THSD1: variants seen among roughly 807,000 people sequenced by gnomAD.
The protein encoded by THSD1 is thrombospondin type-1 domain-containing protein 1.
A neutral mutation model predicts 46.3 loss-of-function variants in THSD1; 34 were observed. The ratio of observed to expected loss-of-function variants is 0.74; its 90% CI spans 0.56 to 0.98. The LOEUF (loss-of-function observed/expected upper bound fraction) is 0.98, where lower values mean the gene tolerates loss of function less well. Among genes scored for constraint, THSD1 ranks in the 50% least tolerant of loss-of-function variants. THSD1 has a pLI of 0.00. For synonymous variants in THSD1, 407 were observed against 416.5 expected, an observed-to-expected ratio of 0.98 and a Z score of 0.28; for missense variants, 1,023 against 1,058.3, an observed-to-expected ratio of 0.97 and a Z score of 0.46.
At position 52,378,650 on chromosome 13, in the gene THSD1, G is replaced by A. The variant is rs1198472793; in HGVS notation, c.1320C>T (p.Gly440=). ...CAGGTGTGCTGCACTTGGCTGGCCG[G>A]CCGAACCTCCTCCACAGCGTGATGA... ...TVLITLWRRF[G]RPAKCSTPAR... The change falls in exon 5 of 5, where the codon GGC becomes GGT. Residue 440 remains glycine, a synonymous_variant. Transcript: ENST00000258613. 1 of 1,614,088 alleles carries A rather than the reference G, an allele frequency of 6.2e-7. No individual in the cohort carries two copies. The highest frequency in any genetic ancestry group is 1.1e-5 in the South Asian group (1 of 91,082).
intron 1 of THSD1, among the ~76,000 whole-genome samples, chr13:52,403,920 G>T (rs1256892173): frequency 5.4e-5 from 8 of 148,166 alleles, no homozygotes; most frequent in East Asian, 2.0e-4. Context: ...AATGTTTAAG[G>T]TCCCCCCCAT....
chr13:52,390,023 C>G (rs1232517701), intron 3 of THSD1, among the ~76,000 whole-genome samples: 3 of 151,872 alleles, frequency 2.0e-5, no homozygotes, highest in African/African-American at 7.3e-5. Flanking sequence ...ACCTGTAGTA[C>G]CAGCTACTCG....
intron 4 of THSD1, among the ~76,000 whole-genome samples, chr13:52,385,625 T>C (rs1957725195): frequency 6.6e-6 from 1 of 152,130 alleles, no homozygotes; most frequent in African/African-American, 2.4e-5. Flanking sequence ...CTGGCTTTTC[T>C]GGGTTGATAG....
At chr13:52,387,849 C>T (rs187824763) in intron 3 of THSD1, among the ~76,000 whole-genome samples, 1 of 152,176 alleles carries the variant, frequency 6.6e-6, no homozygotes, top group African/African-American at 2.4e-5. Context: ...GACTCCCATA[C>T]ATGTAATTGG....
chr13:52,388,607 G>T (rs1006282703), intron 3 of THSD1, among the ~76,000 whole-genome samples: 2 of 152,108 alleles, frequency 1.3e-5, no homozygotes, highest in African/African-American at 4.8e-5. Context: ...AGCCTCCCGA[G>T]TAGCTGGAAT....
intron 2 of THSD1, among the ~76,000 whole-genome samples, chr13:52,399,046 C>T (rs759058704): frequency 8.5e-5 from 13 of 152,212 alleles, no homozygotes; most frequent in Non-Finnish European, 1.8e-4. Context: ...GAAATGTTGA[C>T]ACTTTATGCT....
In THSD1 at chr13:52,391,823, G is replaced by A. The variant is rs373616963; in HGVS notation, c.1021+5409C>T. Among the ~76,000 whole-genome samples, 23 of 151,942 alleles carry A rather than the reference G, an allele frequency of 1.5e-4. 1 individual carries two copies. The South Asian group carries it at 4.6e-3, about 30-fold the overall frequency. Reference sequence around the variant, plus strand: ...CTCTCAAAGTGCTGGGATTACAGGCGTGAGCCACCGCAGCCGGCAAAAATC... The same window carrying A: ...CTCTCAAAGTGCTGGGATTACAGGCATGAGCCACCGCAGCCGGCAAAAATC... On this transcript the variant is annotated intron_variant, in intron 3 of 4. Transcript: ENST00000258613.
intron 3 of THSD1, among the ~76,000 whole-genome samples, chr13:52,396,262 G>A (rs1264181893): frequency 2.0e-5 from 3 of 152,176 alleles, no homozygotes; most frequent in Non-Finnish European, 4.4e-5. Flanking sequence ...AGTGGCTCAT[G>A]CCTGTAATCC....
At chr13:52,403,941 T>A (rs1038225131) in intron 1 of THSD1, among the ~76,000 whole-genome samples, 4 of 115,946 alleles carry the variant, frequency 3.4e-5, no homozygotes, top group African/African-American at 1.4e-4. Context: ...TATTCACATT[T>A]TTTTTTTTTT....
rs1957903320 is a variant in THSD1 at position 52,406,011 on chromosome 13, A to G, written c.-82+20T>C. ...TCGCGGCACGGGCGCGAACACCAGG[A>G]TGCGGAGGGCGCTTCTTACCTTTCG... On this transcript the variant is annotated intron_variant, in intron 1 of 4. Coordinates refer to ENST00000258613, the MANE Select transcript of THSD1 (RefSeq NM_018676.4). 1 of 152,302 alleles carries G rather than the reference A, an allele frequency of 6.6e-6. No individual in the cohort carries two copies. The highest frequency in any genetic ancestry group is 1.5e-5 in the Non-Finnish European group (1 of 68,112). The allele number at this position is 152,302 out of a possible 1,614,324, so 9.4% of individuals were successfully genotyped here.
intron 4 of THSD1, among the ~76,000 whole-genome samples, chr13:52,382,315 A>G (rs1252163205): frequency 6.6e-6 from 1 of 152,170 alleles, no homozygotes; most frequent in Non-Finnish European, 1.5e-5. Flanking sequence ...CACTTGCCAC[A>G]TACAGAGTCT....
Position 52,397,276 on chromosome 13 carries a change from T to C in THSD1, c.977A>G (p.His326Arg). ...CATGCACTCCTCCTTTGCAGAAAAA[T>C]GGCTTCTGCTTGAAATGCCAAAGTC... is the stretch of plus-strand genomic sequence containing the variant. ...CFDFGISSRS[H>R]FSAKEECMLI... The change falls in exon 3 of 5, where the codon CAT (histidine) becomes CGT (arginine). Residue 326 changes from histidine (H) to arginine (R), a missense_variant. His to Arg is a conservative substitution (Grantham distance 29). This residue lies in a region of THSD1 where 429 missense variants were observed against 518.3 expected (regional missense o/e 0.83). Transcript: ENST00000258613. 6.2e-7 allele frequency: 1 copy of C among 1,611,018 alleles called. No homozygotes were observed. Among genetic ancestry groups the C allele is most frequent in the Non-Finnish European group, 8.5e-7 (1 of 1,178,608 alleles).
chr13:52,381,527 C>T (rs990054034), intron 4 of THSD1, among the ~76,000 whole-genome samples: 2 of 152,196 alleles, frequency 1.3e-5, no homozygotes, highest in African/African-American at 4.8e-5. Context: ...AGCCATCAGG[C>T]AAGTACATGC....
intron 4 of THSD1, among the ~76,000 whole-genome samples, chr13:52,382,438 C>A (rs769957725): frequency 5.3e-5 from 8 of 152,134 alleles, no homozygotes; most frequent in Non-Finnish European, 1.0e-4. Flanking sequence ...CTGATTTATA[C>A]TCCTTGCTAC....
At chr13:52,390,907 A>G (rs941901300) in intron 3 of THSD1, among the ~76,000 whole-genome samples, 3 of 152,008 alleles carry the variant, frequency 2.0e-5, no homozygotes, top group East Asian at 1.9e-4. Flanking sequence ...TGAGGATCAG[A>G]AAAAAAATCA....
chr13:52,387,385 C>A (rs1048738233), intron 3 of THSD1, among the ~76,000 whole-genome samples: 1 of 152,120 alleles, frequency 6.6e-6, no homozygotes, highest in Non-Finnish European at 1.5e-5. Flanking sequence ...TAAATACCTC[C>A]ATGTCTATAG....
intron 1 of THSD1, among the ~76,000 whole-genome samples, chr13:52,403,363 T>C (rs1345096740): frequency 5.3e-5 from 8 of 152,236 alleles, no homozygotes; most frequent in Admixed American, 5.2e-4. Flanking sequence ...TACTTGTTGC[T>C]GCTGGTATGC....
At chr13:52,388,439 C>T (rs975739271) in intron 3 of THSD1, among the ~76,000 whole-genome samples, 35 of 152,036 alleles carry the variant, frequency 2.3e-4, no homozygotes, top group Admixed American at 6.6e-5. Flanking sequence ...TCTAAAATAT[C>T]ACTGATAGCC....
At position 52,378,287 on chromosome 13, in the gene THSD1, G is replaced by C; in HGVS notation, c.1683C>G (p.Asp561Glu). ...VYHVSQSPLT[D>E]TAIDAAPSAP... Reference sequence around the variant, plus strand: ...CGCTGGGGGCCGCATCAATGGCAGTGTCTGTCAGGGGACTCTGAGACACGT... The same window carrying C: ...CGCTGGGGGCCGCATCAATGGCAGTCTCTGTCAGGGGACTCTGAGACACGT... The change falls in exon 5 of 5, where the codon GAC becomes GAG. Residue 561 changes from aspartate (D) to glutamate (E), a missense_variant. Around this residue, in one of 3 missense-constraint regions of THSD1, gnomAD observed 578 missense variants for 497.4 expected, o/e 1.16. Coordinates refer to ENST00000258613, the MANE Select transcript of THSD1 (RefSeq NM_018676.4). 6.2e-7 allele frequency: 1 copy of C among 1,614,232 alleles called. No individual in the cohort carries two copies. The highest frequency in any genetic ancestry group is 8.5e-7 in the Non-Finnish European group (1 of 1,180,052).
Sources: gnomAD v4.1 joint callset for allele counts (sites outside exome capture counted in the v4.1 genomes callset) on GRCh38, gnomAD v4.1.1 for gene constraint, gnomAD v4.1.1 regional missense constraint, MANE v1.5 for transcripts, NCBI Gene and HGNC (gene_info 2026-07-23, HGNC 2026-07-21) for gene names.